FAT1: variants seen among roughly 807,000 people sequenced by gnomAD.
FAT1 encodes the protein protocadherin Fat 1.
In FAT1, 171 loss-of-function variants were observed where a neutral mutation model predicts 329.8. The ratio of observed to expected loss-of-function variants is 0.52; its 90% CI spans 0.46 to 0.59. The LOEUF (loss-of-function observed/expected upper bound fraction) is 0.59, where lower values mean the gene tolerates loss of function less well. Among genes scored for constraint, FAT1 ranks in the 20% least tolerant of loss-of-function variants. The pLI, the probability that FAT1 is intolerant of heterozygous loss-of-function variation, is 0.00. For synonymous variants in FAT1, 2,233 were observed against 2,228.6 expected, an observed-to-expected ratio of 1.00 and a Z score of -0.06; for missense variants, 5,672 against 5,774.4, an observed-to-expected ratio of 0.98 and a Z score of 0.57.
chr4:186,707,821 C>A lies in FAT1; in HGVS notation c.2007G>T (p.Leu669=), dbSNP rs201184724. ...CAGTCTCTTCACACTGCAAGTTTAC[C>A]AGCTTGTGACTGGCAGCCACTGTTA... ...INITVAASHK[L]VNLQCEETGV... is the part of the protein sequence containing the mutation. The change falls in exon 2 of 27, where the codon CTG becomes CTT. Residue 669 remains leucine (L), a synonymous_variant. Coordinates refer to ENST00000441802, the MANE Select transcript of FAT1 (RefSeq NM_005245.4). 2 of 1,613,712 alleles carry A rather than the reference C, an allele frequency of 1.2e-6. No homozygotes were observed. Among genetic ancestry groups the A allele is most frequent in the East Asian group, 4.5e-5 (2 of 44,884 alleles).
intron 7 of FAT1, among the ~76,000 whole-genome samples, chr4:186,629,790 T>C (rs539897424): frequency 7.9e-5 from 12 of 152,340 alleles, no homozygotes; most frequent in African/African-American, 2.9e-4. Flanking sequence ...ACATTTTGTA[T>C]GAATTCCAGA....
chr4:186,720,671 C>G (rs768520109), intron 1 of FAT1, among the ~76,000 whole-genome samples: 4 of 152,160 alleles, frequency 2.6e-5, no homozygotes, highest in Non-Finnish European at 5.9e-5. Context: ...TGTACTTGTC[C>G]TCTCCCTTAT....
chr4:186,604,373 A>G lies in FAT1; in HGVS notation c.10548+4T>C. 1.9e-6 allele frequency: 3 copies of G among 1,610,238 alleles called. No homozygotes were observed. Among genetic ancestry groups the G allele is most frequent in the Non-Finnish European group, 2.5e-6 (3 of 1,178,154 alleles). On this transcript the variant is annotated splice_donor_region_variant and intron_variant, in intron 18 of 26. Coordinates refer to ENST00000441802, the MANE Select transcript of FAT1 (RefSeq NM_005245.4). ...AACCAAACCACAAAGAAAGCCATTC[A>G]TACCTTCACCTGCAGTAAGTAATGA...
chr4:186,637,049 T>C, intron 4 of FAT1, 135 bp from the exon 5 acceptor site: 2 of 775,772 alleles, frequency 2.6e-6, no homozygotes, highest in Non-Finnish European at 4.2e-6. Context: ...ACACAGCAGA[T>C]CTTCATTCCA....
At chr4:186,651,368 G>A (rs1741649492) in intron 3 of FAT1, among the ~76,000 whole-genome samples, 1 of 152,098 alleles carries the variant, frequency 6.6e-6, no homozygotes, top group African/African-American at 2.4e-5. Context: ...ACAGTCCTGA[G>A]AGCTGTACAA....
rs1561006196 is a variant in FAT1, at chr4:186,706,564, T to G, written c.3264A>C (p.Thr1088=). 2 of 1,589,252 alleles carry G rather than the reference T, an allele frequency of 1.3e-6. No homozygotes were observed. The highest frequency in any genetic ancestry group is 1.7e-6 in the Non-Finnish European group (2 of 1,166,838). ...TGAGAGCAATAAAAACATATTTACC[T>G]GTCTCTTCACCTATTTTGAAAACAC... ...GVGVFKIGEE[T]GVIETSDRLD... is the part of the protein sequence containing the mutation. The change falls in exon 2 of 27, where the codon ACA becomes ACC. Residue 1088 remains threonine, a splice_region_variant and synonymous_variant. Coordinates refer to ENST00000441802, the MANE Select transcript of FAT1 (RefSeq NM_005245.4).
intron 18 of FAT1, 35 bp downstream of exon 18, chr4:186,604,342 A>C: frequency 1.9e-6 from 3 of 1,570,112 alleles, no homozygotes; most frequent in South Asian, 1.2e-5. Flanking sequence ...TTCTCTATGA[A>C]TCCACAACCA....
intron 2 of FAT1, among the ~76,000 whole-genome samples, chr4:186,697,020 CTCTG>C (rs1270030950): frequency 8.8e-4 from 134 of 152,260 alleles, no homozygotes; most frequent in African/African-American, 3.2e-3. Context: ...CAAAGCAAGA[CTCTG>C]TCTTAGAAAA....
chr4:186,604,116 A>C, intron 18 of FAT1, 139 bp from the exon 19 acceptor site: 2 of 736,122 alleles, frequency 2.7e-6, no homozygotes, highest in Non-Finnish European at 4.3e-6. Context: ...AAACGTATCA[A>C]AGAAAAGGAC....
rs761059913 is a variant in FAT1 at position 186,588,809 on chromosome 4, G to T, written c.13550C>A (p.Ala4517Asp). ...GENSTCREPH[A>D]PYPPGYQRHF... Reference sequence around the variant, plus strand: ...TCTTTGATACCCTGGCGGGTAAGGGGCATGGGGTTCTCTACAAGTACTATT... The same window carrying T: ...TCTTTGATACCCTGGCGGGTAAGGGTCATGGGGTTCTCTACAAGTACTATT... Residue 4517 changes from alanine (A) to aspartate (D), a missense_variant, in exon 27 of 27, where the codon GCC (alanine) becomes GAC (aspartate). By Grantham distance (126) the Ala-to-Asp change is moderately radical. Transcript: ENST00000441802. 21 of 1,614,046 alleles carry T rather than the reference G, an allele frequency of 1.3e-5. No homozygotes were observed. The highest frequency in any genetic ancestry group is 1.8e-5 in the Non-Finnish European group (21 of 1,179,894).
intron 3 of FAT1, among the ~76,000 whole-genome samples, chr4:186,654,794 C>T (rs949861613): frequency 8.6e-5 from 13 of 151,704 alleles, no homozygotes; most frequent in African/African-American, 2.9e-4. Flanking sequence ...GTCTGTGATC[C>T]CAGCTATTCA....
Position 186,600,239 on chromosome 4 carries a change from T to C in FAT1, c.11762A>G (p.Asn3921Ser). The C allele has an allele frequency of 6.2e-7, 1 of 1,614,022 alleles. No homozygotes were observed. ...TTGGTCTAGAACCAAGCGAGCATAGTTTCCATTCACTTCCAGGGCCACTGC... is the reference window on the plus strand; with the variant it reads ...TTGGTCTAGAACCAAGCGAGCATAGCTTCCATTCACTTCCAGGGCCACTGC... ...WHAVALEVNGNYARLVLDQVH... is the reference protein window; with the variant it reads ...WHAVALEVNGSYARLVLDQVH... Residue 3921 changes from asparagine to serine, a missense_variant, in exon 22 of 27, where the codon AAC becomes AGC. Asn to Ser is a conservative substitution (Grantham distance 46, BLOSUM62 1). Transcript: ENST00000441802.
At chr4:186,613,423 T>G (rs2126476898) in intron 12 of FAT1, 81 bp from the exon 13 acceptor site, 1 of 1,030,518 alleles carries the variant, frequency 9.7e-7, no homozygotes, top group Non-Finnish European at 1.5e-6. Flanking sequence ...CCCTTTTGTC[T>G]TTCAATTACT....
chr4:186,706,815 C>T lies in FAT1; in HGVS notation c.3013G>A (p.Asp1005Asn), dbSNP rs2126683291. ...QVYNLTVRAK[D>N]KGKPVSLSST... The stretch of plus-strand genomic sequence containing the variant: ...GACAGAGAAACTGGCTTTCCCTTGT[C>T]TTTGGCCCTCACAGTGAGATTATAC... The change falls in exon 2 of 27, where the codon GAC becomes AAC. Residue 1005 changes from aspartate (D) to asparagine (N), a missense_variant. Physicochemically the swap from Asp to Asn is conservative, Grantham distance 23. Transcript: ENST00000441802. 6.2e-7 allele frequency: 1 copy of T among 1,614,010 alleles called. No individual in the cohort carries two copies. The highest frequency in any genetic ancestry group is 2.2e-5 in the East Asian group (1 of 44,882).
At chr4:186,661,138 TA>T (rs1359326708) in intron 3 of FAT1, among the ~76,000 whole-genome samples, 3 of 152,214 alleles carry the variant, frequency 2.0e-5, no homozygotes, top group African/African-American at 7.2e-5. Flanking sequence ...GAGGGGTACA[TA>T]TTTGTTTCTG....
chr4:186,718,334 G>C (rs1745310465), intron 1 of FAT1, among the ~76,000 whole-genome samples: 1 of 152,028 alleles, frequency 6.6e-6, no homozygotes, highest in Non-Finnish European at 1.5e-5. Context: ...CTGACACCTT[G>C]TGCAGAATCC....
intron 5 of FAT1, 41 bp from the exon 6 acceptor site, chr4:186,636,276 G>A (rs1246507590): frequency 1.9e-6 from 3 of 1,572,730 alleles, no homozygotes; most frequent in Non-Finnish European, 2.6e-6. Context: ...CAGCAAATCA[G>A]GAGTTACAAC....
intron 11 of FAT1, among the ~76,000 whole-genome samples, chr4:186,615,900 T>C (rs1325805730): frequency 6.6e-6 from 1 of 152,136 alleles, no homozygotes; most frequent in Non-Finnish European, 1.5e-5. Context: ...AAAAACATGG[T>C]CAACTGTATG....
At chr4:186,616,305 TCA>T (rs1310450264) in intron 11 of FAT1, among the ~76,000 whole-genome samples, 1 of 152,088 alleles carries the variant, frequency 6.6e-6, no homozygotes, top group Non-Finnish European at 1.5e-5. Flanking sequence ...GTAATCCAGT[TCA>T]CCCTTTTCCA....
Sources: gnomAD v4.1 joint callset for allele counts (sites outside exome capture counted in the v4.1 genomes callset) on GRCh38, gnomAD v4.1.1 for gene constraint, MANE v1.5 for transcripts, NCBI Gene and HGNC (gene_info 2026-07-23, HGNC 2026-07-21) for gene names.